A2ML1: variants seen among roughly 807,000 people sequenced by gnomAD.
A2ML1 encodes alpha-2-macroglobulin like 1.
A neutral mutation model predicts 181.9 loss-of-function variants in A2ML1; 161 were observed. The observed-to-expected ratio is 0.89, with a 90% CI of 0.78 to 1.01. The LOEUF is 1.01. Among genes scored for constraint, A2ML1 ranks in the 50% least tolerant of loss-of-function variants. A2ML1 has a pLI of 0.00. For synonymous variants in A2ML1, 663 were observed against 666.8 expected (o/e 0.99, Z 0.09); for missense variants, 1,670 against 1,768.1 (o/e 0.94, Z 1.00).
Position 8,851,933 on chromosome 12 carries a change from C to T in A2ML1, c.2384C>T (p.Thr795Ile), listed in dbSNP as rs1197441571. The T allele has an allele frequency of 1.9e-6, 3 of 1,614,116 alleles. No homozygotes were observed. The highest frequency in any genetic ancestry group is 2.7e-5 in the African/African-American group (2 of 74,944). Residue 795 changes from threonine to isoleucine, a missense_variant, in exon 19 of 36, where the codon ACT becomes ATT. By Grantham distance (89) the Thr-to-Ile change is moderately conservative. Coordinates refer to ENST00000299698, the MANE Select transcript of A2ML1 (RefSeq NM_144670.6). ...TTCAAGCCGTTCTTTGTTGACCTGA[C>T]TCTCCCTTACTCAGTAGTCCGTGGG... ...TAFKPFFVDL[T>I]LPYSVVRGES...
At chr12:8,823,668 T>C (rs1942823133) in intron 2 of A2ML1, 52 bp from the exon 3 acceptor site, 1 of 1,579,506 alleles carries the variant, frequency 6.3e-7, no homozygotes, top group Non-Finnish European at 8.6e-7. Flanking sequence ...GACCAGTTGA[T>C]TCTGTTCCCC....
chr12:8,852,431 T>C lies in A2ML1; in HGVS notation c.2590+95T>C. On this transcript the variant is annotated intron_variant, in intron 20 of 35. Transcript: ENST00000299698. This position sits in a 1 kb window ranked among gnomAD's most constrained non-coding sequence, Gnocchi z 4.2. ...TTTTCCTCTGCCACATCTGCTTTGCTTCCTCCTCCATTTTCCACTATTTTT... is the reference window on the plus strand; with the variant it reads ...TTTTCCTCTGCCACATCTGCTTTGCCTCCTCCTCCATTTTCCACTATTTTT... 9 of 1,543,432 alleles carry C rather than the reference T, an allele frequency of 5.8e-6. No homozygotes were observed. The African/African-American group carries it at 1.1e-4, about 19-fold the overall frequency.
At chr12:8,840,745 T>C (rs1047745959) in intron 10 of A2ML1, among the ~76,000 whole-genome samples, 75 of 151,632 alleles carry the variant, frequency 4.9e-4, no homozygotes, top group Admixed American at 1.1e-3. Context: ...CCGTCCCTGC[T>C]AAAAATACAA....
rs926572832 is a variant in A2ML1 at position 8,852,438 on chromosome 12, T to A, written c.2590+102T>A. On this transcript the variant is annotated intron_variant, in intron 20 of 35. Coordinates refer to ENST00000299698, the MANE Select transcript of A2ML1 (RefSeq NM_144670.6). This position sits in a 1 kb window ranked among gnomAD's most constrained non-coding sequence, Gnocchi z 4.2. ...CTGCCACATCTGCTTTGCTTCCTCCTCCATTTTCCACTATTTTTCTCCCTC... is the reference window on the plus strand; with the variant it reads ...CTGCCACATCTGCTTTGCTTCCTCCACCATTTTCCACTATTTTTCTCCCTC... The A allele has an allele frequency of 2.6e-6, 4 of 1,518,856 alleles. No homozygotes were observed. In the African/African-American group the frequency reaches 5.5e-5, roughly 21 times the overall value. The allele number at this position is 1,518,856 out of a possible 1,614,324, so 94.1% of individuals were successfully genotyped here.
chr12:8,882,805 A>T (rs983005250), intron 7 of A2ML1, among the ~76,000 whole-genome samples: 4 of 152,120 alleles, frequency 2.6e-5, no homozygotes, highest in Admixed American at 6.6e-5. Context: ...CATTCTTTTT[A>T]AAAAATAAAA....
At chr12:8,831,365 T>C (rs139535745) in intron 4 of A2ML1, among the ~76,000 whole-genome samples, 1 of 152,298 alleles carries the variant, frequency 6.6e-6, no homozygotes, top group Non-Finnish European at 1.5e-5. Flanking sequence ...TCAGGGTTGA[T>C]CTCATTAACT....
chr12:8,885,617 C>T (rs1250233299), intron 7 of A2ML1, among the ~76,000 whole-genome samples: 1 of 152,006 alleles, frequency 6.6e-6, no homozygotes, highest in African/African-American at 2.4e-5. Context: ...CATGCCACCA[C>T]ACCCCGCTAA....
In A2ML1 at chr12:8,823,752, G is replaced by T. The variant is rs372743813; in HGVS notation, c.279G>T (p.Val93=). The T allele has an allele frequency of 5.0e-6, 8 of 1,613,930 alleles. No individual in the cohort carries two copies. Among genetic ancestry groups the T allele is most frequent in the Middle Eastern group, 1.6e-4 (1 of 6,082 alleles). The change falls in exon 3 of 36, where the codon GTG becomes GTT. Residue 93 remains valine, a synonymous_variant. Transcript: ENST00000299698. ...CTCCTGCTGGTGGCACAGAAGAAGTGGCCACAATCCGGGTGTCGGGAGTTG... is the reference window on the plus strand; with the variant it reads ...CTCCTGCTGGTGGCACAGAAGAAGTTGCCACAATCCGGGTGTCGGGAGTTG... ...VPPPAGGTEE[V]ATIRVSGVGN...
intron 32 of A2ML1, among the ~76,000 whole-genome samples, chr12:8,868,846 A>G (rs957922729): frequency 3.9e-5 from 6 of 152,176 alleles, no homozygotes; most frequent in African/African-American, 9.6e-5. Context: ...GATTATATAT[A>G]TGTGTGTGTA....
chr12:8,831,355 T>G (rs1428804350), intron 4 of A2ML1, among the ~76,000 whole-genome samples: 1 of 152,150 alleles, frequency 6.6e-6, no homozygotes, highest in East Asian at 1.9e-4. Context: ...TCACTTACCC[T>G]CAGGGTTGAT....
chr12:8,830,508 T>C (rs1943076344), intron 4 of A2ML1, among the ~76,000 whole-genome samples: 1 of 152,210 alleles, frequency 6.6e-6, no homozygotes, highest in Non-Finnish European at 1.5e-5. Context: ...TAGGGCAACA[T>C]TAAATAAATA....
chr12:8,828,228 G>A (rs1942993320), intron 3 of A2ML1, among the ~76,000 whole-genome samples: 1 of 152,206 alleles, frequency 6.6e-6, no homozygotes, highest in Admixed American at 6.5e-5. Flanking sequence ...GTCCAGAGAT[G>A]TAATCTGCGA....
At chr12:8,842,455 G>A (rs758658023) in intron 11 of A2ML1, among the ~76,000 whole-genome samples, 40 of 152,136 alleles carry the variant, frequency 2.6e-4, no homozygotes, top group Admixed American at 8.5e-4. Flanking sequence ...TCCTGACCTC[G>A]TGATCCGCCC....
chr12:8,829,875 A>C, intron 4 of A2ML1, 96 bp downstream of exon 4: 2 of 1,498,994 alleles, frequency 1.3e-6, no homozygotes, highest in South Asian at 1.1e-5. Flanking sequence ...GGGCGTGGCA[A>C]GGCGAGGCCC....
intron 12 of A2ML1, among the ~76,000 whole-genome samples, chr12:8,843,987 T>C (rs1943581981): frequency 6.6e-6 from 1 of 152,148 alleles, no homozygotes; most frequent in Non-Finnish European, 1.5e-5. Flanking sequence ...CCCAGAGTGC[T>C]GGGATTACAG....
intron 34 of A2ML1, 86 bp from the exon 35 acceptor site, chr12:8,874,885 G>A (rs1285311480): frequency 7.7e-7 from 1 of 1,306,228 alleles, no homozygotes; most frequent in Non-Finnish European, 1.1e-6. Flanking sequence ...CTCTGGAAGG[G>A]GCTCAAGCAG....
Position 8,858,111 on chromosome 12 carries a change from C to T in A2ML1, c.3264+9C>T. 2 of 1,613,652 alleles carry T rather than the reference C, an allele frequency of 1.2e-6. No individual in the cohort carries two copies. Among genetic ancestry groups the T allele is most frequent in the Non-Finnish European group, 1.7e-6 (2 of 1,179,792 alleles). On this transcript the variant is annotated intron_variant, in intron 26 of 35. Coordinates refer to ENST00000299698, the MANE Select transcript of A2ML1 (RefSeq NM_144670.6). ...TTCACACAGCTATGAAGGTGCGGATCTGTCCAGGAGCCTGCAGCCAACCAC... is the reference window on the plus strand; with the variant it reads ...TTCACACAGCTATGAAGGTGCGGATTTGTCCAGGAGCCTGCAGCCAACCAC...
intron 10 of A2ML1, among the ~76,000 whole-genome samples, chr12:8,839,544 G>A (rs1943398257): frequency 6.6e-6 from 1 of 151,344 alleles, no homozygotes; most frequent in African/African-American, 2.4e-5. Flanking sequence ...TAGAAGAAGT[G>A]CCTTGAATAT....
chr12:8,868,230 A>G lies in A2ML1; in HGVS notation c.3934A>G (p.Thr1312Ala), dbSNP rs1944488899. 6.2e-7 allele frequency: 1 copy of G among 1,613,818 alleles called. No individual in the cohort carries two copies. The highest frequency in any genetic ancestry group is 8.5e-7 in the Non-Finnish European group (1 of 1,180,014). The change falls in exon 31 of 36, where the codon ACG (threonine) becomes GCG (alanine). Residue 1312 changes from threonine to alanine, a missense_variant and splice_region_variant. Thr to Ala is a moderately conservative substitution (Grantham distance 58). Coordinates refer to ENST00000299698, the MANE Select transcript of A2ML1 (RefSeq NM_144670.6). ...TTGGCTACCTATTTCTTCCTACCAG[A>G]CGGTGTTGAGATACAATATTCTCCC... ...ASGQGCVYVQ[T>A]VLRYNILPPT...
Sources: gnomAD v4.1 joint callset for allele counts (sites outside exome capture counted in the v4.1 genomes callset) on GRCh38, gnomAD v4.1.1 for gene constraint, Gnocchi (gnomAD v3.1) non-coding constraint, MANE v1.5 for transcripts, NCBI Gene and HGNC (gene_info 2026-07-23, HGNC 2026-07-21) for gene names.